IZUMO3: variants seen among roughly 807,000 people sequenced by gnomAD.
IZUMO3 encodes izumo sperm-egg fusion protein 3.
In IZUMO3, 36 loss-of-function variants were observed where a neutral mutation model predicts 28.4. That is an observed-to-expected ratio of 1.27 (90% confidence interval 0.97 to 1.67). The LOEUF (loss-of-function observed/expected upper bound fraction) is 1.67, where lower values mean the gene tolerates loss of function less well. Ranked by LOEUF, IZUMO3 falls within the 40% of genes most tolerant of loss-of-function variation. IZUMO3 has a pLI of 0.00. For missense variants in IZUMO3, 387 were observed against 278.5 expected, an observed-to-expected ratio of 1.39 and a Z score of -2.77; for synonymous variants, 126 against 99.2, an observed-to-expected ratio of 1.27 and a Z score of -1.61.
chr9:24,545,695 T>C lies in IZUMO3; in HGVS notation c.-46A>G, dbSNP rs1423166848. ...CCCGACAGCAGGTTGTCCTGGCAAC[T>C]AGTTCACTTAGTTCCTTTTCCTTCA... On this transcript the variant is annotated 5_prime_UTR_variant, in exon 1 of 7. Coordinates refer to ENST00000543880, the MANE Select transcript of IZUMO3 (RefSeq NM_001365008.2). The C allele has an allele frequency of 2.0e-6, 3 of 1,533,750 alleles. No individual in the cohort carries two copies. The highest frequency in any genetic ancestry group is 2.6e-6 in the Non-Finnish European group (3 of 1,145,310).
chr9:24,543,015 T>A lies in IZUMO3; in HGVS notation c.*214A>T. 1 of 406,670 alleles carries A rather than the reference T, an allele frequency of 2.5e-6. No homozygotes were observed. Among genetic ancestry groups the A allele is most frequent in the Admixed American group, 4.3e-5 (1 of 23,304 alleles). The allele number at this position is 406,670 out of a possible 1,614,324, so 25.2% of individuals were successfully genotyped here. A position where few individuals can be genotyped will look rare whatever the true frequency, so the allele number is the denominator to read the frequency against. On this transcript the variant is annotated 3_prime_UTR_variant, in exon 7 of 7. Transcript: ENST00000543880. ...CCTGTGCATTGCAACATACCAGCAT[T>A]ACTTTCTGTACAACTCTGGCCAAAT...
At position 24,545,414 on chromosome 9, in the gene IZUMO3, C is replaced by T. The variant is rs781299301; in HGVS notation, c.226+10G>A. 1 of 1,542,016 alleles carries T rather than the reference C, an allele frequency of 6.5e-7. No individual in the cohort carries two copies. Among genetic ancestry groups the T allele is most frequent in the South Asian group, 1.2e-5 (1 of 84,044 alleles). On this transcript the variant is annotated intron_variant, in intron 1 of 6. Coordinates refer to ENST00000543880, the MANE Select transcript of IZUMO3 (RefSeq NM_001365008.2). ...GCCCCTGGACTCTCAGGAACTCAAG[C>T]TTCCCTCACCCAACACCCGAAGCCT...
chr9:24,544,284 G>C lies in IZUMO3; in HGVS notation c.410-3C>G. 6.5e-7 allele frequency: 1 copy of C among 1,544,772 alleles called. No individual in the cohort carries two copies. Among genetic ancestry groups the C allele is most frequent in the Non-Finnish European group, 8.8e-7 (1 of 1,141,728 alleles). Reference sequence around the variant, plus strand: ...AAGAATGGGACCTTCAACCACAACTGATAAAGAGGAGAAGAAAGATAATCA... The same window carrying C: ...AAGAATGGGACCTTCAACCACAACTCATAAAGAGGAGAAGAAAGATAATCA... On this transcript the variant is annotated splice_polypyrimidine_tract_variant and splice_region_variant and intron_variant, in intron 4 of 6. Coordinates refer to ENST00000543880, the MANE Select transcript of IZUMO3 (RefSeq NM_001365008.2).
Position 24,545,480 on chromosome 9 carries a change from T to G in IZUMO3, c.170A>C (p.Glu57Ala). 1.3e-6 allele frequency: 2 copies of G among 1,535,722 alleles called. No individual in the cohort carries two copies. Among genetic ancestry groups the G allele is most frequent in the Non-Finnish European group, 1.7e-6 (2 of 1,146,712 alleles). ...RTQLLERQIK[E>A]MIHLSFKVSH... ...GACCTTGAAGCTTAAATGAATCATC[T>G]CCTTAATCTGCCGTTCAAGCAGCTG... The change falls in exon 1 of 7, where the codon GAG becomes GCG. Residue 57 changes from glutamate (E) to alanine (A), a missense_variant. Physicochemically the swap from Glu to Ala is moderately radical, Grantham distance 107. Coordinates refer to ENST00000543880, the MANE Select transcript of IZUMO3 (RefSeq NM_001365008.2).
Position 24,545,053 on chromosome 9 carries a change from TA to T in IZUMO3, c.309del (p.Phe103LeufsTer18). ...KLGNETWKGVFIYQGKLLDVC... is the reference protein window; with the variant it reads ...KLGNETWKGVXIYQGKLLDVC... ...ACATCGAGAAGCTTGCCTTGATAGA[TA>T]AAGACACCTAAGAGGGAGTGGAAGG... On this transcript the variant is annotated frameshift_variant, in exon 3 of 7. Transcript: ENST00000543880. LOFTEE classifies it high-confidence loss of function. 6.5e-7 allele frequency: 1 copy of T among 1,548,684 alleles called. No homozygotes were observed. The highest frequency in any genetic ancestry group is 8.7e-7 in the Non-Finnish European group (1 of 1,144,994).
chr9:24,543,652 G>C lies in IZUMO3; in HGVS notation c.581+12C>G, dbSNP rs892430190. 3 of 1,520,540 alleles carry C rather than the reference G, an allele frequency of 2.0e-6. No individual in the cohort carries two copies. The Admixed American group carries it at 5.9e-5, about 30-fold the overall frequency. 94.2% of individuals were successfully genotyped at this position (1,520,540 alleles called of 1,614,324 possible). A position where few individuals can be genotyped will look rare whatever the true frequency, so the allele number is the denominator to read the frequency against. ...ATTTGACCCAGTGTTTATTTGGAGA[G>C]AAGAAACTCACAGTAACACAGCACT... is the stretch of plus-strand genomic sequence containing the variant. On this transcript the variant is annotated intron_variant, in intron 6 of 6. Transcript: ENST00000543880.
At position 24,545,871 on chromosome 9, in the gene IZUMO3, C is replaced by T; in HGVS notation, c.-222G>A. The T allele has an allele frequency of 6.6e-7, 1 of 1,512,890 alleles. No individual in the cohort carries two copies. Among genetic ancestry groups the T allele is most frequent in the Non-Finnish European group, 8.9e-7 (1 of 1,124,062 alleles). 93.7% of individuals were successfully genotyped at this position (1,512,890 alleles called of 1,614,324 possible). ...CCTTCATTCTAGGAGAGGGAACTGCCAGCTGGGGAGCGGATACCTGAGTTC... is the reference window on the plus strand; with the variant it reads ...CCTTCATTCTAGGAGAGGGAACTGCTAGCTGGGGAGCGGATACCTGAGTTC... On this transcript the variant is annotated 5_prime_UTR_variant, in exon 1 of 7. Transcript: ENST00000543880.
Position 24,545,645 on chromosome 9 carries a change from C to T in IZUMO3, c.5G>A (p.Gly2Asp). The T allele has an allele frequency of 1.3e-6, 2 of 1,535,076 alleles. No homozygotes were observed. Among genetic ancestry groups the T allele is most frequent in the Non-Finnish European group, 1.7e-6 (2 of 1,146,626 alleles). Residue 2 changes from glycine (G) to aspartate (D), a missense_variant, in exon 1 of 7, where the codon GGT becomes GAT. Physicochemically the swap from Gly to Asp is moderately conservative, Grantham distance 94. Transcript: ENST00000543880. ...CAGGAGCAGGAATAACCACAGGTCA[C>T]CCATTTCTTTCTTCACCCCCGCTCC... M[G>D]DLWLFLLLPL...
At chr9:24,544,904 T>C in intron 3 of IZUMO3, 68 bp downstream of exon 3, 1 of 1,364,874 alleles carries the variant, frequency 7.3e-7, no homozygotes, top group Non-Finnish European at 1.0e-6. Context: ...TTGCATTTCT[T>C]CCCTCATCCC....
At position 24,545,789 on chromosome 9, in the gene IZUMO3, A is replaced by G. The variant is rs1587173682; in HGVS notation, c.-140T>C. 9.1e-6 allele frequency: 14 copies of G among 1,539,366 alleles called. No individual in the cohort carries two copies. In the East Asian group the frequency reaches 1.5e-4, roughly 16 times the overall value. On this transcript the variant is annotated 5_prime_UTR_variant, in exon 1 of 7. Coordinates refer to ENST00000543880, the MANE Select transcript of IZUMO3 (RefSeq NM_001365008.2). ...CTTTTCCCGCTGTTTCCATCCCACT[A>G]TCGGGCAATCTTTAGTTGTTTAGTT...
chr9:24,544,274 A>C lies in IZUMO3; in HGVS notation c.417T>G (p.Val139=). The C allele has an allele frequency of 6.5e-7, 1 of 1,548,882 alleles. No individual in the cohort carries two copies. Among genetic ancestry groups the C allele is most frequent in the East Asian group, 2.4e-5 (1 of 40,890 alleles). The change falls in exon 5 of 7, where the codon GTT becomes GTG. Residue 139 remains valine (V), a synonymous_variant. Coordinates refer to ENST00000543880, the MANE Select transcript of IZUMO3 (RefSeq NM_001365008.2). ...TCCAACAATCAAGAATGGGACCTTC[A>C]ACCACAACTGATAAAGAGGAGAAGA... ...EIACSEDCIV[V]EGPILDCWTC... is the part of the protein sequence containing the mutation.
Position 24,543,148 on chromosome 9 carries a change from G to C in IZUMO3, c.*81C>G. Reference sequence around the variant, plus strand: ...TAAAATACTATGACTTTATGACCAAGAAAGGGTTTACCTCCCAGTTTTGTA... The same window carrying C: ...TAAAATACTATGACTTTATGACCAACAAAGGGTTTACCTCCCAGTTTTGTA... On this transcript the variant is annotated 3_prime_UTR_variant, in exon 7 of 7. Coordinates refer to ENST00000543880, the MANE Select transcript of IZUMO3 (RefSeq NM_001365008.2). The C allele has an allele frequency of 1.8e-6, 2 of 1,123,020 alleles. No homozygotes were observed. The highest frequency in any genetic ancestry group is 2.4e-6 in the Non-Finnish European group (2 of 830,566). 69.6% of individuals were successfully genotyped at this position (1,123,020 alleles called of 1,614,324 possible). A position where few individuals can be genotyped will look rare whatever the true frequency, so the allele number is the denominator to read the frequency against.
chr9:24,545,027 G>C lies in IZUMO3; in HGVS notation c.336C>G (p.Val112=). ...VFIYQGKLLD[V]CQNLESKLKE... is the part of the protein sequence containing the mutation. ...TCAGTTTGGATTCCAGGTTTTGGCA[G>C]ACATCGAGAAGCTTGCCTTGATAGA... Residue 112 remains valine, a synonymous_variant, in exon 3 of 7, where the codon GTC becomes GTG. Transcript: ENST00000543880. 1 of 1,550,810 alleles carries C rather than the reference G, an allele frequency of 6.4e-7. No individual in the cohort carries two copies. Among genetic ancestry groups the C allele is most frequent in the East Asian group, 2.4e-5 (1 of 40,900 alleles).
chr9:24,543,052 C>A lies in IZUMO3; in HGVS notation c.*177G>T, dbSNP rs79904354. On this transcript the variant is annotated 3_prime_UTR_variant, in exon 7 of 7. Transcript: ENST00000543880. ...AACTCTGGCCAAATTATTTGCTCTC[C>A]CATTACTTCCGTTGTCTCAGGATAT... The A allele has an allele frequency of 2.0e-6, 1 of 502,252 alleles. No individual in the cohort carries two copies. Among genetic ancestry groups the A allele is most frequent in the African/African-American group, 2.0e-5 (1 of 50,612 alleles). 31.1% of individuals were successfully genotyped at this position (502,252 alleles called of 1,614,324 possible).
At chr9:24,544,128 T>C (rs1819524849) in intron 5 of IZUMO3, 73 bp downstream of exon 5, 2 of 1,012,716 alleles carry the variant, frequency 2.0e-6, no homozygotes, top group Non-Finnish European at 3.0e-6. Context: ...CAAATACATG[T>C]AGAATAAATC....
rs1471493837 is a variant in IZUMO3 at position 24,545,575 on chromosome 9, G to A, written c.75C>T (p.Asp25=). Residue 25 remains aspartate, a synonymous_variant, in exon 1 of 7, where the codon GAC becomes GAT. Coordinates refer to ENST00000543880, the MANE Select transcript of IZUMO3 (RefSeq NM_001365008.2). Reference sequence around the variant, plus strand: ...AGCCAACATCCTCTATAAATTTGGGGTCACATTCTAAACAGCCTTTGACTC... The same window carrying A: ...AGCCAACATCCTCTATAAATTTGGGATCACATTCTAAACAGCCTTTGACTC... The part of the protein sequence containing the change: ...FHGVKGCLEC[D]PKFIEDVGSL... 4 of 1,535,238 alleles carry A rather than the reference G, an allele frequency of 2.6e-6. No homozygotes were observed. In the Admixed American group the frequency reaches 5.9e-5, roughly 23 times the overall value.
intron 5 of IZUMO3, 85 bp from the exon 6 acceptor site, chr9:24,543,839 T>G: frequency 3.4e-6 from 3 of 893,876 alleles, no homozygotes; most frequent in East Asian, 5.3e-5. Flanking sequence ...GAAAACTCTT[T>G]TAACCTCAGT....
intron 6 of IZUMO3, 28 bp from the exon 7 acceptor site, chr9:24,543,395 A>G: frequency 1.3e-6 from 2 of 1,484,394 alleles, no homozygotes; most frequent in Non-Finnish European, 1.8e-6. Context: ...AATAATTCCA[A>G]CTTCAATATC....
At position 24,544,681 on chromosome 9, in the gene IZUMO3, A is replaced by G. The variant is rs570519704; in HGVS notation, c.409+62T>C. On this transcript the variant is annotated intron_variant, in intron 4 of 6. Transcript: ENST00000543880. ...ACAGGTGGGAGAGATAGGGCCATAT[A>G]GAGCAAAGGAGATGGGAAAATATGG... The G allele has an allele frequency of 1.1e-4, 161 of 1,440,440 alleles. 2 individuals carry two copies. In the South Asian group the frequency reaches 1.7e-3, roughly 15 times the overall value. The allele number at this position is 1,440,440 out of a possible 1,614,324, so 89.2% of individuals were successfully genotyped here.
Sources: gnomAD v4.1 joint callset for allele counts on GRCh38, gnomAD v4.1.1 for gene constraint, MANE v1.5 for transcripts, NCBI Gene and HGNC (gene_info 2026-07-23, HGNC 2026-07-21) for gene names.